Variants in XKR4 observed in about 807,000 individuals in gnomAD.
The protein encoded by XKR4 is XK related 4.
A neutral mutation model predicts 53.9 loss-of-function variants in XKR4; 12 were observed. The ratio of observed to expected loss-of-function variants is 0.22; its 90% CI spans 0.14 to 0.36. The LOEUF (loss-of-function observed/expected upper bound fraction) is 0.36, where lower values mean the gene tolerates loss of function less well. XKR4 is among the 10% of genes least tolerant of loss of function. XKR4 has a pLI of 1.00. For synonymous variants in XKR4, 354 were observed against 362.4 expected, an observed-to-expected ratio of 0.98 and a Z score of 0.26; for missense variants, 799 against 859.5, an observed-to-expected ratio of 0.93 and a Z score of 0.88.
Position 55,542,040 on chromosome 8 carries a change from A to T in XKR4, c.*17813A>T, listed in dbSNP as rs1024068193. 6.6e-6 allele frequency: 1 copy of T among 151,446 alleles called. No individual in the cohort carries two copies. Among genetic ancestry groups the T allele is most frequent in the African/African-American group, 2.4e-5 (1 of 41,376 alleles). The allele number at this position is 151,446 out of a possible 1,614,324, so 9.4% of individuals were successfully genotyped here. A position where few individuals can be genotyped will look rare whatever the true frequency, so the allele number is the denominator to read the frequency against. On this transcript the variant is annotated 3_prime_UTR_variant, in exon 3 of 3. Transcript: ENST00000327381. ...TGTAAAACTTAAAGAAAAAAAAAGA[A>T]AACTTGAAATTTTATATATTTGGAT...
At chr8:55,300,502 G>A (rs1256244028) in intron 1 of XKR4, among the ~76,000 whole-genome samples, 1 of 152,074 alleles carries the variant, frequency 6.6e-6, no homozygotes, top group African/African-American at 2.4e-5. Context: ...GAGTGGGCAG[G>A]CATCTAAGCC....
rs200772673 is a variant in XKR4 at position 55,357,802 on chromosome 8, T to C, written c.931T>C (p.Phe311Leu). The stretch of plus-strand genomic sequence containing the variant: ...GAGTATGCTGCATTTGCTAGCCACC[T>C]TTCTGGAAAGTGCTCCACAGCTGGT... ...DVSMLHLLAT[F>L]LESAPQLVLQ... is the part of the protein sequence containing the mutation. The change falls in exon 2 of 3, where the codon TTT becomes CTT. Residue 311 changes from phenylalanine (F) to leucine (L), a missense_variant. Transcript: ENST00000327381. The C allele has an allele frequency of 3.1e-6, 5 of 1,614,198 alleles. No homozygotes were observed. The Admixed American group carries it at 5.0e-5, about 16-fold the overall frequency.
chr8:55,482,110 G>A lies in XKR4; in HGVS notation c.1007-41171G>A, dbSNP rs544925875. On this transcript the variant is annotated intron_variant, in intron 2 of 2. Coordinates refer to ENST00000327381, the MANE Select transcript of XKR4 (RefSeq NM_052898.2). ...ACACATGCACACGTATGTTTATTGCGGCACTATTCACAATAGCAAAGACTT... is the reference window on the plus strand; with the variant it reads ...ACACATGCACACGTATGTTTATTGCAGCACTATTCACAATAGCAAAGACTT... 3.3e-3 allele frequency among the ~76,000 whole-genome samples: 500 copies of A among 152,042 alleles called. 2 individuals carry two copies. The highest frequency in any genetic ancestry group is 0.011 in the African/African-American group (455 of 41,440).
chr8:55,346,927 A>G (rs1006578594), intron 1 of XKR4, among the ~76,000 whole-genome samples: 2 of 152,208 alleles, frequency 1.3e-5, no homozygotes, highest in Non-Finnish European at 2.9e-5. Context: ...ATATTTGCAT[A>G]GTATCATCAT....
intron 1 of XKR4, among the ~76,000 whole-genome samples, chr8:55,167,248 A>G (rs1485465802): frequency 1.3e-5 from 2 of 152,210 alleles, no homozygotes; most frequent in Non-Finnish European, 2.9e-5. Context: ...TAAGTTCTGT[A>G]CTTGGGTATA....
intron 2 of XKR4, among the ~76,000 whole-genome samples, chr8:55,431,676 C>T (rs1805107320): frequency 6.6e-6 from 1 of 152,202 alleles, no homozygotes; most frequent in African/African-American, 2.4e-5. Context: ...ACTACTATCA[C>T]TACATGCAGT....
At chr8:55,115,223 G>T (rs1032966880) in intron 1 of XKR4, among the ~76,000 whole-genome samples, 28 of 152,158 alleles carry the variant, frequency 1.8e-4, no homozygotes, top group African/African-American at 6.5e-4. Flanking sequence ...AGCTCAAATG[G>T]TCAGAAAGGC....
intron 2 of XKR4, among the ~76,000 whole-genome samples, chr8:55,502,317 C>A (rs1263710249): frequency 2.6e-5 from 4 of 152,100 alleles, no homozygotes; most frequent in Non-Finnish European, 4.4e-5. Context: ...ACGGGATGCA[C>A]CATTTAACAT....
intron 1 of XKR4, chr8:55,141,991 G>A: frequency 2.3e-6 from 1 of 436,690 alleles, no homozygotes; most frequent in Non-Finnish European, 4.6e-6. Context: ...TTCCAGGGGT[G>A]ATAAAGCCAT....
At chr8:55,110,550 G>A (rs1816216902) in intron 1 of XKR4, among the ~76,000 whole-genome samples, 1 of 152,164 alleles carries the variant, frequency 6.6e-6, no homozygotes, top group Non-Finnish European at 1.5e-5. Flanking sequence ...AAGGTGCAAT[G>A]TCATCTGGGA....
rs187837324 is a variant in XKR4 at position 55,296,254 on chromosome 8, G to A, written c.807-61424G>A. 2.7e-3 allele frequency among the ~76,000 whole-genome samples: 407 copies of A among 152,232 alleles called. 2 individuals carry two copies. The highest frequency in any genetic ancestry group is 4.7e-3 in the Non-Finnish European group (317 of 68,026). ...TCCTTTTAAGGAAATGCTGTTGCAC[G>A]TATCACTTCCATTTTCATTCCCTGG... On this transcript the variant is annotated intron_variant, in intron 1 of 2. Coordinates refer to ENST00000327381, the MANE Select transcript of XKR4 (RefSeq NM_052898.2).
chr8:55,261,112 T>C (rs984265081), intron 1 of XKR4, among the ~76,000 whole-genome samples: 9 of 152,186 alleles, frequency 5.9e-5, no homozygotes, highest in African/African-American at 2.2e-4. Flanking sequence ...GGAACCATAT[T>C]TTATTAAAGG....
chr8:55,138,898 A>G (rs980109221), intron 1 of XKR4, among the ~76,000 whole-genome samples: 1 of 152,246 alleles, frequency 6.6e-6, no homozygotes, highest in African/African-American at 2.4e-5. Flanking sequence ...GAGAGAAGAT[A>G]ACTGTCTAAT....
intron 2 of XKR4, among the ~76,000 whole-genome samples, chr8:55,410,055 C>T (rs1240342512): frequency 1.3e-5 from 2 of 151,934 alleles, no homozygotes; most frequent in Non-Finnish European, 2.9e-5. Flanking sequence ...TTCTGTTTGC[C>T]ATGGCTAGTT....
intron 1 of XKR4, among the ~76,000 whole-genome samples, chr8:55,168,274 G>A (rs888420240): frequency 1.3e-5 from 2 of 152,096 alleles, no homozygotes; most frequent in Admixed American, 6.5e-5. Context: ...TTCCCTTGCT[G>A]TTTTTGGTTT....
intron 1 of XKR4, among the ~76,000 whole-genome samples, chr8:55,248,744 T>A (rs1245114025): frequency 6.6e-6 from 1 of 152,232 alleles, no homozygotes; most frequent in African/African-American, 2.4e-5. Flanking sequence ...TTCTTTCATG[T>A]AAGTTAAACT....
At chr8:55,149,418 GC>G (rs1816812988) in intron 1 of XKR4, among the ~76,000 whole-genome samples, 1 of 152,192 alleles carries the variant, frequency 6.6e-6, no homozygotes, top group Non-Finnish European at 1.5e-5. Context: ...AGGAGATGAT[GC>G]ATTTGAAAGG....
At chr8:55,510,547 T>C (rs540780203) in intron 2 of XKR4, among the ~76,000 whole-genome samples, 2 of 152,120 alleles carry the variant, frequency 1.3e-5, no homozygotes, top group South Asian at 2.1e-4. Context: ...AACTCAGGGA[T>C]GGGCAGATGG....
intron 1 of XKR4, among the ~76,000 whole-genome samples, chr8:55,144,805 C>CTATTTTATTTTATTTTATTT (rs57869559): frequency 0.016 from 2,197 of 138,996 alleles, 74 homozygotes; most frequent in East Asian, 0.068. Flanking sequence ...AGTATTACCA[C>CTATTTTATTTTATTTTATTT]TATTTTATTT....
Sources: allele counts gnomAD v4.1 joint callset (sites outside exome capture counted in the v4.1 genomes callset), GRCh38; gene constraint gnomAD v4.1.1; transcripts MANE v1.5; gene names NCBI Gene and HGNC (gene_info 2026-07-23, HGNC 2026-07-21).